The following PATJ variants were observed in gnomAD, a reference collection of about 807,000 sequenced individuals.
The protein encoded by PATJ is inaD-like protein.
In PATJ, 190 loss-of-function variants were observed where a neutral mutation model predicts 224.9. The observed-to-expected ratio is 0.84, with a 90% CI of 0.75 to 0.95. The LOEUF (loss-of-function observed/expected upper bound fraction) is 0.95. Ranked by LOEUF, PATJ falls within the 40% of genes least tolerant of loss-of-function variation. PATJ has a pLI of 0.00. For missense variants in PATJ, 2,121 were observed against 2,270.3 expected (o/e 0.93, Z 1.34); for synonymous variants, 769 against 820.3 (o/e 0.94, Z 1.07).
In PATJ at chr1:62,128,865, A is replaced by C; in HGVS notation, c.5191A>C (p.Asn1731His). The C allele has an allele frequency of 6.2e-7, 1 of 1,612,742 alleles. No individual in the cohort carries two copies. Among genetic ancestry groups the C allele is most frequent in the East Asian group, 2.2e-5 (1 of 44,844 alleles). The change falls in exon 41 of 44, where the codon AAC (asparagine) becomes CAC (histidine). Residue 1731 changes from asparagine to histidine, a missense_variant. By Grantham distance (68) the Asn-to-His change is moderately conservative (BLOSUM62 1). Coordinates refer to ENST00000642238, the MANE Select transcript of PATJ (RefSeq NM_001350145.3). Reference sequence around the variant, plus strand: ...GGTTGGAGATCGGATTGTCAGCATTAACGGGCAACCTTTGGATGGGCTGTC... The same window carrying C: ...GGTTGGAGATCGGATTGTCAGCATTCACGGGCAACCTTTGGATGGGCTGTC... ...LKVGDRIVSINGQPLDGLSHA... is the reference protein window; with the variant it reads ...LKVGDRIVSIHGQPLDGLSHA...
At chr1:61,776,620 G>T (rs1377552263) in intron 7 of PATJ, among the ~76,000 whole-genome samples, 1 of 151,850 alleles carries the variant, frequency 6.6e-6, no homozygotes, top group Non-Finnish European at 1.5e-5. Flanking sequence ...ATGGCATTTA[G>T]TACATGTCTT....
chr1:61,985,079 C>T (rs770932893), intron 27 of PATJ, among the ~76,000 whole-genome samples: 31 of 151,964 alleles, frequency 2.0e-4, no homozygotes, highest in Non-Finnish European at 3.2e-4. Context: ...TTTGGGAGGC[C>T]GTTGTGGGCG....
intron 14 of PATJ, among the ~76,000 whole-genome samples, chr1:61,820,603 A>C (rs540047098): frequency 2.2e-4 from 34 of 152,306 alleles, no homozygotes; most frequent in African/African-American, 7.2e-4. Context: ...TGGCCTCCCA[A>C]AGTGTTGGGA....
intron 25 of PATJ, 29 bp from the exon 26 acceptor site, chr1:61,914,558 T>C (rs756108226): frequency 4.5e-6 from 5 of 1,102,008 alleles, no homozygotes; most frequent in Non-Finnish European, 5.3e-6. Flanking sequence ...AACGTTTTCT[T>C]CCCCCCACCC....
chr1:62,018,325 G>C lies in PATJ; in HGVS notation c.3959+378G>C, dbSNP rs1358164946. Among the ~76,000 whole-genome samples the C allele has an allele frequency of 2.0e-5, 3 of 152,170 alleles. No homozygotes were observed. Among genetic ancestry groups the C allele is most frequent in the Admixed American group, 6.5e-5 (1 of 15,284 alleles). Reference sequence around the variant, plus strand: ...TCATTAAAGAACAAACAGGAAAACAGAACTGAGGACATTCTTAGGAGCTTC... The same window carrying C: ...TCATTAAAGAACAAACAGGAAAACACAACTGAGGACATTCTTAGGAGCTTC... On this transcript the variant is annotated intron_variant, in intron 29 of 43. Coordinates refer to ENST00000642238, the MANE Select transcript of PATJ (RefSeq NM_001350145.3). This position sits in a 1 kb window ranked among gnomAD's most constrained non-coding sequence, Gnocchi z 4.2.
chr1:61,871,439 A>ACATATG (rs1666452582), intron 20 of PATJ, among the ~76,000 whole-genome samples: 2 of 86,336 alleles, frequency 2.3e-5, no homozygotes, highest in African/African-American at 9.0e-5. Context: ...ATATATGTGT[A>ACATATG]TATACACATA....
chr1:61,784,968 C>G (rs913573953), intron 7 of PATJ, among the ~76,000 whole-genome samples: 2 of 152,168 alleles, frequency 1.3e-5, no homozygotes, highest in Admixed American at 6.5e-5. Flanking sequence ...CTTCCAGTCC[C>G]TTCTAGTGGC....
chr1:61,989,321 G>A (rs1187337395), intron 27 of PATJ, among the ~76,000 whole-genome samples: 1 of 152,174 alleles, frequency 6.6e-6, no homozygotes, highest in East Asian at 1.9e-4. Flanking sequence ...ACAATTTACA[G>A]ATGAAAAAGT....
chr1:61,816,687 A>T (rs1217636121), intron 14 of PATJ, among the ~76,000 whole-genome samples: 1 of 152,072 alleles, frequency 6.6e-6, no homozygotes, highest in Non-Finnish European at 1.5e-5. Flanking sequence ...GCAAAAGGTG[A>T]TTTTTTTCTC....
chr1:62,103,535 T>C (rs1042673248), intron 33 of PATJ, among the ~76,000 whole-genome samples: 19 of 152,128 alleles, frequency 1.2e-4, no homozygotes, highest in Admixed American at 1.2e-3. Context: ...GGTGGATCAC[T>C]TGAGGCCAGG....
At chr1:62,012,165 G>A (rs930521461) in intron 28 of PATJ, among the ~76,000 whole-genome samples, 2 of 110,840 alleles carry the variant, frequency 1.8e-5, no homozygotes, top group Non-Finnish European at 3.9e-5. Flanking sequence ...ATGGTAGAGT[G>A]ACCATCTGTT....
intron 27 of PATJ, among the ~76,000 whole-genome samples, chr1:61,970,715 A>T (rs1682847962): frequency 6.6e-6 from 1 of 152,106 alleles, no homozygotes. Flanking sequence ...GCTGGTCTCA[A>T]ACTCCTAACC....
chr1:62,134,052 G>C (rs1044855168), intron 41 of PATJ, among the ~76,000 whole-genome samples: 1 of 151,290 alleles, frequency 6.6e-6, no homozygotes, highest in Non-Finnish European at 1.5e-5. Context: ...AGCCAATTTT[G>C]CATTTCTTCT....
At chr1:61,899,687 T>C (rs1203296522) in intron 23 of PATJ, 33 bp downstream of exon 23, 20 of 1,426,732 alleles carry the variant, frequency 1.4e-5, no homozygotes, top group Non-Finnish European at 2.0e-5. Context: ...GCTTTCTCAA[T>C]AGGAGCACAA....
intron 17 of PATJ, among the ~76,000 whole-genome samples, chr1:61,834,492 C>T (rs1659857707): frequency 6.6e-6 from 1 of 152,152 alleles, no homozygotes; most frequent in Non-Finnish European, 1.5e-5. Context: ...CTACCAGTTA[C>T]TGTCATATAT....
Position 61,797,414 on chromosome 1 carries a change from C to G in PATJ, c.1388C>G (p.Pro463Arg), listed in dbSNP as rs1651572401. The G allele has an allele frequency of 6.2e-7, 1 of 1,612,902 alleles. No individual in the cohort carries two copies. Among genetic ancestry groups the G allele is most frequent in the African/African-American group, 1.3e-5 (1 of 74,916 alleles). The change falls in exon 11 of 44, where the codon CCA becomes CGA. Residue 463 changes from proline (P) to arginine (R), a missense_variant. Transcript: ENST00000642238. ...KTSSSTSPLE[P>R]PSDRGTVVEP... Reference sequence around the variant, plus strand: ...TCCTCATCTACTTCTCCACTTGAACCACCTTCAGACAGAGGTGATTAATTT... The same window carrying G: ...TCCTCATCTACTTCTCCACTTGAACGACCTTCAGACAGAGGTGATTAATTT...
chr1:62,158,614 G>A (rs1010709690), intron 43 of PATJ, among the ~76,000 whole-genome samples: 5 of 148,330 alleles, frequency 3.4e-5, no homozygotes, highest in African/African-American at 4.9e-5. Flanking sequence ...CCAGCTACTC[G>A]GGAGGCTGAG....
chr1:62,126,627 C>T (rs1323692347), intron 39 of PATJ, among the ~76,000 whole-genome samples: 3 of 152,200 alleles, frequency 2.0e-5, no homozygotes, highest in South Asian at 2.1e-4. Context: ...TTTTCAGCCA[C>T]ATTTTATGTC....
At chr1:61,799,452 C>T (rs551207197) in intron 11 of PATJ, among the ~76,000 whole-genome samples, 1 of 152,242 alleles carries the variant, frequency 6.6e-6, no homozygotes, top group Non-Finnish European at 1.5e-5. Flanking sequence ...GCCTTGGCCT[C>T]CCAAAGTGCT....
Sources: gnomAD v4.1 joint callset for allele counts (sites outside exome capture counted in the v4.1 genomes callset) on GRCh38, gnomAD v4.1.1 for gene constraint, Gnocchi (gnomAD v3.1) non-coding constraint, MANE v1.5 for transcripts, NCBI Gene and HGNC (gene_info 2026-07-23, HGNC 2026-07-21) for gene names.